Variants in TWIST2 observed in about 807,000 individuals in gnomAD.
TWIST2 encodes twist-related protein 2.
TWIST2 carries 1 observed loss-of-function variant against 11.6 expected under a neutral mutation model. The observed-to-expected ratio is 0.09, with a 90% CI of 0.03 to 0.41. TWIST2 has a LOEUF of 0.41. Among genes scored for constraint, TWIST2 ranks in the 10% least tolerant of loss-of-function variants. The pLI is 0.98. For synonymous variants in TWIST2, 87 were observed against 96.6 expected, an observed-to-expected ratio of 0.90 and a Z score of 0.58; for missense variants, 168 against 226.4, an observed-to-expected ratio of 0.74 and a Z score of 1.66.
chr2:238,849,259 G>C (rs1692194690), intron 1 of TWIST2, among the ~76,000 whole-genome samples: 1 of 152,228 alleles, frequency 6.6e-6, no homozygotes, highest in African/African-American at 2.4e-5. Context: ...CCAGCTGCTC[G>C]CGCCTGGGGT....
In TWIST2 at chr2:238,909,394, G is replaced by A. The variant is rs1011602447; in HGVS notation, c.*36-448G>A. ...TGACCCATTTCTCTGCGTCCTCCTC[G>A]CTGGAACCCAGCCCTCTGCTGCCCG... On this transcript the variant is annotated intron_variant, in intron 1 of 1. Transcript: ENST00000612363. Among the ~76,000 whole-genome samples the A allele has an allele frequency of 3.3e-5, 5 of 152,214 alleles. No individual in the cohort carries two copies. In the East Asian group the frequency reaches 7.7e-4, roughly 23 times the overall value.
intron 1 of TWIST2, among the ~76,000 whole-genome samples, chr2:238,870,535 T>TACACACACCACACACCCCACACAC (rs1559274146): frequency 7.3e-5 from 1 of 13,638 alleles, no homozygotes; most frequent in African/African-American, 3.0e-4. Context: ...CCACACACCC[T>TACACACACCACACACCCCACACAC]ACATACCCCA....
rs1200383973 is a variant in TWIST2 at position 238,848,748 on chromosome 2, C to T, written c.*35+15C>T. The stretch of plus-strand genomic sequence containing the variant: ...GGCGCGCCAGGGTAGGTGCTGCGCG[C>T]GCGACGGGCGCCCTCCGCTGCGGGG... On this transcript the variant is annotated intron_variant, in intron 1 of 1. Coordinates refer to ENST00000612363, the MANE Select transcript of TWIST2 (RefSeq NM_001271893.4). 3 of 1,340,406 alleles carry T rather than the reference C, an allele frequency of 2.2e-6. No homozygotes were observed. The highest frequency in any genetic ancestry group is 2.8e-6 in the Non-Finnish European group (3 of 1,052,826). The allele number at this position is 1,340,406 out of a possible 1,614,324, so 83.0% of individuals were successfully genotyped here. A position where few individuals can be genotyped will look rare whatever the true frequency, so the allele number is the denominator to read the frequency against.
At chr2:238,868,162 G>C (rs578246098) in intron 1 of TWIST2, among the ~76,000 whole-genome samples, 26 of 152,296 alleles carry the variant, frequency 1.7e-4, no homozygotes, top group African/African-American at 6.3e-4. Context: ...TTCCCTCTGG[G>C]TGCACCTGCC....
At chr2:238,873,490 G>A (rs1692747148) in intron 1 of TWIST2, among the ~76,000 whole-genome samples, 1 of 152,206 alleles carries the variant, frequency 6.6e-6, no homozygotes, top group African/African-American at 2.4e-5. Flanking sequence ...TGCTCTGGGG[G>A]TTGGGAGTGG....
At position 238,867,414 on chromosome 2, in the gene TWIST2, C is replaced by CACACACACACACACACACACACA. The variant is rs1255819451; in HGVS notation, c.*35+18681_*35+18682insACACACACACACACACACACACA. 6.8e-6 allele frequency among the ~76,000 whole-genome samples: 1 copy of CACACACACACACACACACACACA among 147,448 alleles called. No individual in the cohort carries two copies. The highest frequency in any genetic ancestry group is 2.4e-5 in the African/African-American group (1 of 40,884). ...ACACACACACACACACACACACACT[C>CACACACACACACACACACACACA]CTCAGTAAAATACCCAGTTCTCACC... On this transcript the variant is annotated intron_variant, in intron 1 of 1. Coordinates refer to ENST00000612363, the MANE Select transcript of TWIST2 (RefSeq NM_001271893.4). The surrounding 1 kb of genome is among the most constrained non-coding windows in gnomAD (Gnocchi z 4.8).
intron 1 of TWIST2, among the ~76,000 whole-genome samples, chr2:238,849,746 T>G (rs887865269): frequency 6.6e-6 from 1 of 152,170 alleles, no homozygotes; most frequent in African/African-American, 2.4e-5. Context: ...CACCGGGTCC[T>G]TTTCACCAGA....
chr2:238,891,650 G>T (rs1693136109), intron 1 of TWIST2, among the ~76,000 whole-genome samples: 1 of 152,180 alleles, frequency 6.6e-6, no homozygotes, highest in Admixed American at 6.5e-5. Flanking sequence ...GGCAGGTGGG[G>T]GCCTTGAGAC....
chr2:238,861,543 GT>G (rs1692436416), intron 1 of TWIST2, among the ~76,000 whole-genome samples: 1 of 152,118 alleles, frequency 6.6e-6, no homozygotes, highest in African/African-American at 2.4e-5. Context: ...CCCGGTGGGG[GT>G]AGTGTTCCGC....
chr2:238,904,612 C>T (rs1693319859), intron 1 of TWIST2, among the ~76,000 whole-genome samples: 1 of 152,042 alleles, frequency 6.6e-6, no homozygotes, highest in Non-Finnish European at 1.5e-5. Context: ...GTGGTAGAGT[C>T]TACCTGCACT....
In TWIST2 at chr2:238,857,357, C is replaced by T. The variant is rs528111622; in HGVS notation, c.*35+8624C>T. 1.1e-3 allele frequency among the ~76,000 whole-genome samples: 164 copies of T among 152,330 alleles called. 1 individual carries two copies. Among genetic ancestry groups the T allele is most frequent in the Non-Finnish European group, 1.6e-3 (108 of 68,028 alleles). On this transcript the variant is annotated intron_variant, in intron 1 of 1. Transcript: ENST00000612363. ...TGAATGTCTGAGCATGAGCCCAGCACGGCTCAGCATTTGCCAAGGTTAAGG... is the reference window on the plus strand; with the variant it reads ...TGAATGTCTGAGCATGAGCCCAGCATGGCTCAGCATTTGCCAAGGTTAAGG...
chr2:238,907,412 C>T (rs2106376392), intron 1 of TWIST2, among the ~76,000 whole-genome samples: 1 of 152,312 alleles, frequency 6.6e-6, no homozygotes, highest in South Asian at 2.1e-4. Flanking sequence ...GACTTTCCTC[C>T]TGCCTGTGTC....
At chr2:238,869,296 A>G (rs1692603660) in intron 1 of TWIST2, among the ~76,000 whole-genome samples, 3 of 152,224 alleles carry the variant, frequency 2.0e-5, no homozygotes. Context: ...AAAAGGAACA[A>G]TCTGGGATCT....
chr2:238,850,009 C>T (rs1692217577), intron 1 of TWIST2, among the ~76,000 whole-genome samples: 1 of 152,244 alleles, frequency 6.6e-6, no homozygotes, highest in Non-Finnish European at 1.5e-5. Context: ...GCCGCCTATT[C>T]TCCCAAACAT....
rs1201141082 is a variant in TWIST2 at position 238,848,182 on chromosome 2, G to T, written c.-34G>T. 8.2e-7 allele frequency: 1 copy of T among 1,220,586 alleles called. No homozygotes were observed. The highest frequency in any genetic ancestry group is 3.3e-5 in the East Asian group (1 of 30,598). The allele number at this position is 1,220,586 out of a possible 1,614,324, so 75.6% of individuals were successfully genotyped here. A position where few individuals can be genotyped will look rare whatever the true frequency, so the allele number is the denominator to read the frequency against. Reference sequence around the variant, plus strand: ...CCAGCGGCGCGCGCTCGGCGCCCCGGCGCCCCCAGCCCCACGCGCGCCGGG... The same window carrying T: ...CCAGCGGCGCGCGCTCGGCGCCCCGTCGCCCCCAGCCCCACGCGCGCCGGG... On this transcript the variant is annotated 5_prime_UTR_variant, in exon 1 of 2. Transcript: ENST00000612363.
At chr2:238,880,006 ACGGGGCT>A (rs1427931341) in intron 1 of TWIST2, among the ~76,000 whole-genome samples, 1 of 152,192 alleles carries the variant, frequency 6.6e-6, no homozygotes, top group African/African-American at 2.4e-5. Context: ...AGGGACCTTC[ACGGGGCT>A]CTGGGCTGCC....
At chr2:238,898,548 G>A (rs1337869389) in intron 1 of TWIST2, among the ~76,000 whole-genome samples, 1 of 152,196 alleles carries the variant, frequency 6.6e-6, no homozygotes, top group Non-Finnish European at 1.5e-5. Flanking sequence ...GGGAGTTCCC[G>A]CCAGCCGCTC....
intron 1 of TWIST2, among the ~76,000 whole-genome samples, chr2:238,889,847 C>T (rs1693101254): frequency 6.6e-6 from 1 of 152,180 alleles, no homozygotes; most frequent in Non-Finnish European, 1.5e-5. Context: ...GCAGGTAGTA[C>T]CAGCCCATTT....
chr2:238,908,307 C>T (rs1212510102), intron 1 of TWIST2, among the ~76,000 whole-genome samples: 3 of 148,300 alleles, frequency 2.0e-5, no homozygotes, highest in Admixed American at 6.7e-5. Flanking sequence ...TCACACTGTA[C>T]ATAGACACCA....
Sources: gnomAD v4.1 joint callset for allele counts (sites outside exome capture counted in the v4.1 genomes callset) on GRCh38, gnomAD v4.1.1 for gene constraint, Gnocchi (gnomAD v3.1) non-coding constraint, MANE v1.5 for transcripts, NCBI Gene and HGNC (gene_info 2026-07-23, HGNC 2026-07-21) for gene names.